Variants in PPIL6 observed in about 807,000 individuals in gnomAD.
PPIL6 encodes the protein probable inactive peptidyl-prolyl cis-trans isomerase-like 6.
A neutral mutation model predicts 36.8 loss-of-function variants in PPIL6; 39 were observed. The observed-to-expected ratio is 1.06, with a 90% CI of 0.82 to 1.38. The LOEUF (loss-of-function observed/expected upper bound fraction) is 1.38, where lower values mean the gene tolerates loss of function less well. PPIL6 is among the 40% of genes most tolerant of loss of function. The pLI is 0.00. For missense variants in PPIL6, 368 were observed against 379.1 expected, an observed-to-expected ratio of 0.97 and a Z score of 0.24; for synonymous variants, 123 against 134.1, an observed-to-expected ratio of 0.92 and a Z score of 0.57.
In PPIL6 at chr6:109,390,517, G is replaced by C. The variant is rs1772059620; in HGVS notation, c.*2309C>G. 2 of 152,294 alleles carry C rather than the reference G, an allele frequency of 1.3e-5. No individual in the cohort carries two copies. The highest frequency in any genetic ancestry group is 4.8e-5 in the African/African-American group (2 of 41,554). 9.4% of individuals were successfully genotyped at this position (152,294 alleles called of 1,614,324 possible). A position where few individuals can be genotyped will look rare whatever the true frequency, so the allele number is the denominator to read the frequency against. ...GTCTGCTTCCTCCCATCCACCTCAG[G>C]TCTTAGCATAAAGCATATGTCATAT... is the stretch of plus-strand genomic sequence containing the variant. On this transcript the variant is annotated 3_prime_UTR_variant, in exon 8 of 8. Coordinates refer to ENST00000521072, the MANE Select transcript of PPIL6 (RefSeq NM_173672.5).
rs2115226105 is a variant in PPIL6 at position 109,413,510 on chromosome 6, G to T, written c.688+5677C>A. On this transcript the variant is annotated intron_variant, in intron 6 of 7. Coordinates refer to ENST00000521072, the MANE Select transcript of PPIL6 (RefSeq NM_173672.5). This position sits in a 1 kb window ranked among gnomAD's most constrained non-coding sequence, Gnocchi z 4.6. Reference sequence around the variant, plus strand: ...AAAGGGACCCTTGTACACTGTTGGTGGGAATGTAAACTAATGTGCAACCAC... The same window carrying T: ...AAAGGGACCCTTGTACACTGTTGGTTGGAATGTAAACTAATGTGCAACCAC... Among the ~76,000 whole-genome samples, 1 of 152,298 alleles carries T rather than the reference G, an allele frequency of 6.6e-6. No individual in the cohort carries two copies. Among genetic ancestry groups the T allele is most frequent in the South Asian group, 2.1e-4 (1 of 4,822 alleles).
At chr6:109,440,346 G>T in intron 1 of PPIL6, 110 bp downstream of exon 1, 1 of 1,333,816 alleles carries the variant, frequency 7.5e-7, no homozygotes, top group Non-Finnish European at 1.0e-6. Flanking sequence ...TTCCTCGGCC[G>T]GTGGGGCCTC....
chr6:109,399,944 C>T (rs1023312516), intron 7 of PPIL6, 91 bp downstream of exon 7: 1 of 1,010,574 alleles, frequency 9.9e-7, no homozygotes, highest in Non-Finnish European at 1.4e-6. Context: ...TTTTAGCTAC[C>T]TATACACTAT....
intron 2 of PPIL6, 96 bp from the exon 3 acceptor site, chr6:109,431,441 T>C: frequency 1.2e-6 from 1 of 800,792 alleles, no homozygotes; most frequent in Non-Finnish European, 1.9e-6. Flanking sequence ...ACTCTAGGTC[T>C]GAATTTGTCA....
At chr6:109,420,622 C>G (rs1049099969) in intron 5 of PPIL6, among the ~76,000 whole-genome samples, 2 of 152,162 alleles carry the variant, frequency 1.3e-5, no homozygotes, top group African/African-American at 4.8e-5. Context: ...AAAGAGCGGG[C>G]TCTGAGGTCT....
At chr6:109,432,272 T>C (rs1774198323) in intron 2 of PPIL6, among the ~76,000 whole-genome samples, 1 of 152,174 alleles carries the variant, frequency 6.6e-6, no homozygotes, top group Non-Finnish European at 1.5e-5. Context: ...CAGGGATTTC[T>C]GGGGCACAAC....
At chr6:109,397,712 A>C (rs539558240) in intron 7 of PPIL6, among the ~76,000 whole-genome samples, 1 of 152,092 alleles carries the variant, frequency 6.6e-6, no homozygotes, top group East Asian at 1.9e-4. Context: ...GTGGTAATGG[A>C]GGCACTAAAT....
rs1215895594 is a variant in PPIL6 at position 109,401,156 on chromosome 6, G to A, written c.689-986C>T. On this transcript the variant is annotated intron_variant, in intron 6 of 7. Transcript: ENST00000521072. Reference sequence around the variant, plus strand: ...CTCCCAAACTGCTGGGATTACAGGCGTAAGCCACCGTGCCTGGCCAATCTT... The same window carrying A: ...CTCCCAAACTGCTGGGATTACAGGCATAAGCCACCGTGCCTGGCCAATCTT... Among the ~76,000 whole-genome samples, 8 of 151,804 alleles carry A rather than the reference G, an allele frequency of 5.3e-5. No homozygotes were observed. In the East Asian group the frequency reaches 1.6e-3, roughly 30 times the overall value.
At chr6:109,417,435 G>C (rs1355838600) in intron 6 of PPIL6, among the ~76,000 whole-genome samples, 1 of 150,438 alleles carries the variant, frequency 6.6e-6, no homozygotes, top group Admixed American at 6.6e-5. Context: ...AAGTGGACTC[G>C]TACATTTCAA....
At chr6:109,423,622 C>A (rs574150995) in intron 5 of PPIL6, among the ~76,000 whole-genome samples, 38 of 152,086 alleles carry the variant, frequency 2.5e-4, no homozygotes, top group Non-Finnish European at 4.4e-4. Context: ...TATCCTCACC[C>A]ATTTTATATA....
intron 3 of PPIL6, among the ~76,000 whole-genome samples, chr6:109,428,351 A>C (rs960500938): frequency 2.6e-5 from 4 of 152,016 alleles, no homozygotes; most frequent in Admixed American, 2.6e-4. Context: ...AGGAGTTTGA[A>C]ACCAGCCTGG....
chr6:109,440,477 C>T lies in PPIL6; in HGVS notation c.114G>A (p.Gln38=), dbSNP rs902041610. The T allele has an allele frequency of 1.3e-6, 2 of 1,540,244 alleles. No individual in the cohort carries two copies. The highest frequency in any genetic ancestry group is 1.8e-6 in the Non-Finnish European group (2 of 1,142,394). Residue 38 remains glutamine (Q), a synonymous_variant, in exon 1 of 8, where the codon CAG becomes CAA. Transcript: ENST00000521072. ...VVGLFSCPNF[Q]IAKSAAENLK... is the part of the protein sequence containing the mutation. Reference sequence around the variant, plus strand: ...TTACCTCAGCGGCGCTCTTCGCAATCTGAAAGTTGGGGCAGCTGAAGAGCC... The same window carrying T: ...TTACCTCAGCGGCGCTCTTCGCAATTTGAAAGTTGGGGCAGCTGAAGAGCC...
chr6:109,439,677 G>A (rs1774684725), intron 1 of PPIL6, among the ~76,000 whole-genome samples: 1 of 152,178 alleles, frequency 6.6e-6, no homozygotes, highest in African/African-American at 2.4e-5. Context: ...GTATCCAGCT[G>A]GGTACTTCGG....
intron 6 of PPIL6, among the ~76,000 whole-genome samples, chr6:109,401,444 T>TAA (rs1772533678): frequency 6.6e-6 from 1 of 152,194 alleles, no homozygotes; most frequent in South Asian, 2.1e-4. Flanking sequence ...TAACTGTCTA[T>TAA]AAGATTTTAT....
intron 3 of PPIL6, 134 bp from the exon 4 acceptor site, chr6:109,427,290 C>G: frequency 1.8e-6 from 1 of 559,604 alleles, no homozygotes; most frequent in Non-Finnish European, 3.2e-6. Flanking sequence ...GATAATATTA[C>G]AGTAAAATTA....
At chr6:109,433,706 A>C (rs1303673692) in intron 2 of PPIL6, among the ~76,000 whole-genome samples, 2 of 152,230 alleles carry the variant, frequency 1.3e-5, no homozygotes, top group Non-Finnish European at 1.5e-5. Flanking sequence ...ATGAGCTAAG[A>C]AGCACTACTT....
At chr6:109,396,352 CG>C (rs1772305883) in intron 7 of PPIL6, among the ~76,000 whole-genome samples, 1 of 152,184 alleles carries the variant, frequency 6.6e-6, no homozygotes, top group South Asian at 2.1e-4. Context: ...ATCACCTTTG[CG>C]TGAGGTTCCT....
chr6:109,438,146 T>C (rs757773773), intron 1 of PPIL6, among the ~76,000 whole-genome samples: 10 of 152,174 alleles, frequency 6.6e-5, no homozygotes, highest in Non-Finnish European at 1.3e-4. Flanking sequence ...ATCATTAGCA[T>C]ATCCATCATC....
At position 109,407,149 on chromosome 6, in the gene PPIL6, T is replaced by C. The variant is rs570711282; in HGVS notation, c.689-6979A>G. Among the ~76,000 whole-genome samples, 8 of 152,340 alleles carry C rather than the reference T, an allele frequency of 5.3e-5. No individual in the cohort carries two copies. In the South Asian group the frequency reaches 1.7e-3, roughly 32 times the overall value. ...ACACATTGCTACTGGGTTGTGGCCA[T>C]TGTTTATAGACCTTTTCAGTGGATA... On this transcript the variant is annotated intron_variant, in intron 6 of 7. Transcript: ENST00000521072.
Sources: allele counts gnomAD v4.1 joint callset (sites outside exome capture counted in the v4.1 genomes callset), GRCh38; gene constraint gnomAD v4.1.1; non-coding constraint Gnocchi (gnomAD v3.1); transcripts MANE v1.5; gene names NCBI Gene and HGNC (gene_info 2026-07-23, HGNC 2026-07-21).